Variants in PKD2L1 observed in about 807,000 individuals in gnomAD.
PKD2L1 encodes the protein polycystin 2 like 1, transient receptor potential cation channel, also known as polycystin-2-like protein 1.
In PKD2L1, 77 loss-of-function variants were observed where a neutral mutation model predicts 93.0. The observed-to-expected ratio is 0.83, with a 90% CI of 0.69 to 1.00. PKD2L1 has a LOEUF of 1.00. PKD2L1 is among the 50% of genes least tolerant of loss of function. The pLI is 0.00. For synonymous variants in PKD2L1, 390 were observed against 388.0 expected (o/e 1.01, Z -0.06); for missense variants, 977 against 990.9 (o/e 0.99, Z 0.19).
At chr10:100,317,193 CA>C (rs1185477347) in intron 2 of PKD2L1, among the ~76,000 whole-genome samples, 1 of 152,122 alleles carries the variant, frequency 6.6e-6, no homozygotes, top group Non-Finnish European at 1.5e-5. Flanking sequence ...TACATGTAAA[CA>C]CAAATAACAC....
chr10:100,299,663 C>T lies in PKD2L1; in HGVS notation c.405G>A (p.Glu135=). ...SAYYYTKVMS[E]LFLHTPSDTG... Reference sequence around the variant, plus strand: ...TGTCTGATGGAGTATGTAAGAAGAGCTCAGACATCACTTTGGTGTAGTAAT... The same window carrying T: ...TGTCTGATGGAGTATGTAAGAAGAGTTCAGACATCACTTTGGTGTAGTAAT... Residue 135 remains glutamate, a synonymous_variant, in exon 3 of 16, where the codon GAG becomes GAA. Transcript: ENST00000318222. 1 of 1,612,672 alleles carries T rather than the reference C, an allele frequency of 6.2e-7. No individual in the cohort carries two copies. The highest frequency in any genetic ancestry group is 8.5e-7 in the Non-Finnish European group (1 of 1,178,636).
At chr10:100,289,430 T>C (rs1848354045) in intron 14 of PKD2L1, among the ~76,000 whole-genome samples, 2 of 152,120 alleles carry the variant, frequency 1.3e-5, no homozygotes, top group South Asian at 4.1e-4. Flanking sequence ...TCCCAGCTAC[T>C]TGGGAGGCTG....
At chr10:100,325,679 C>T (rs574841614) in intron 2 of PKD2L1, among the ~76,000 whole-genome samples, 7 of 152,024 alleles carry the variant, frequency 4.6e-5, no homozygotes, top group East Asian at 3.9e-4. Flanking sequence ...GGAGGTTTTC[C>T]GAGGTTTAAA....
intron 2 of PKD2L1, among the ~76,000 whole-genome samples, chr10:100,318,851 CTT>C (rs1235162350): frequency 8.0e-5 from 10 of 125,174 alleles, no homozygotes; most frequent in East Asian, 2.3e-4. Flanking sequence ...CTCTCTCTAT[CTT>C]TTTTTTTTTT....
rs752544019 is a variant in PKD2L1 at position 100,330,033 on chromosome 10, G to A, written c.71C>T (p.Ala24Val). Residue 24 changes from alanine (A) to valine (V), a missense_variant, in exon 1 of 16, where the codon GCC (alanine) becomes GTC (valine). Physicochemically the swap from Ala to Val is moderately conservative, Grantham distance 64. Transcript: ENST00000318222. ...GTGTGGGGAAGGGGGACCACTGTAG[G>A]CGGGGTTGTCCCAGGCTCCACTCCC... is the stretch of plus-strand genomic sequence containing the variant. Reference protein sequence around the residue: ...KLGSGAWDNPAYSGPPSPHGT... With the variant: ...KLGSGAWDNPVYSGPPSPHGT... 6 of 1,612,866 alleles carry A rather than the reference G, an allele frequency of 3.7e-6. No individual in the cohort carries two copies. Among genetic ancestry groups the A allele is most frequent in the Non-Finnish European group, 5.1e-6 (6 of 1,179,196 alleles).
rs113981541 is a variant in PKD2L1, at chr10:100,328,637, C to G, written c.349+574G>C. Among the ~76,000 whole-genome samples the G allele has an allele frequency of 9.6e-3, 1,453 of 151,956 alleles. 24 individuals carry two copies. Among genetic ancestry groups the G allele is most frequent in the African/African-American group, 0.032 (1,340 of 41,410 alleles). On this transcript the variant is annotated intron_variant, in intron 2 of 15. Transcript: ENST00000318222. Reference sequence around the variant, plus strand: ...AGAGACAGAGTCTTGCTCTGTCCCCCAGGCTGGAGTGTAGTGGCACGATCT... The same window carrying G: ...AGAGACAGAGTCTTGCTCTGTCCCCGAGGCTGGAGTGTAGTGGCACGATCT...
chr10:100,322,823 T>C (rs1264086635), intron 2 of PKD2L1, among the ~76,000 whole-genome samples: 2 of 152,216 alleles, frequency 1.3e-5, no homozygotes, highest in Non-Finnish European at 2.9e-5. Flanking sequence ...TAGACTCCAG[T>C]GGTTAAAAGC....
intron 2 of PKD2L1, among the ~76,000 whole-genome samples, chr10:100,301,613 C>T (rs954037895): frequency 6.6e-6 from 1 of 152,196 alleles, no homozygotes; most frequent in African/African-American, 2.4e-5. Flanking sequence ...TTAAGGTTAT[C>T]TCCCTTGTTC....
At chr10:100,306,002 G>A (rs905688403) in intron 2 of PKD2L1, among the ~76,000 whole-genome samples, 1 of 152,048 alleles carries the variant, frequency 6.6e-6, no homozygotes, top group Non-Finnish European at 1.5e-5. Flanking sequence ...GGGCAACGTG[G>A]CAAGATCCTG....
At chr10:100,314,611 T>G (rs1849021592) in intron 2 of PKD2L1, among the ~76,000 whole-genome samples, 1 of 152,218 alleles carries the variant, frequency 6.6e-6, no homozygotes, top group Admixed American at 6.5e-5. Flanking sequence ...CCTCCTATAC[T>G]ACATTTATCA....
intron 9 of PKD2L1, 71 bp from the exon 10 acceptor site, chr10:100,293,450 T>C (rs1848451764): frequency 9.2e-6 from 9 of 975,504 alleles, no homozygotes; most frequent in Admixed American, 1.7e-5. Context: ...ACTGACCCCA[T>C]TAATGTCCAA....
chr10:100,322,293 G>A (rs1033916020), intron 2 of PKD2L1, among the ~76,000 whole-genome samples: 3 of 151,844 alleles, frequency 2.0e-5, no homozygotes, highest in East Asian at 1.9e-4. Context: ...TTGGGAGGCC[G>A]AGGTGGGCCG....
intron 2 of PKD2L1, among the ~76,000 whole-genome samples, chr10:100,304,153 C>G (rs1201360558): frequency 6.6e-6 from 1 of 152,172 alleles, no homozygotes; most frequent in Non-Finnish European, 1.5e-5. Context: ...CAGAAAAGAG[C>G]AAGAAGCAAC....
intron 7 of PKD2L1, 88 bp downstream of exon 7, chr10:100,296,034 C>CA (rs200777805): frequency 0.12 from 108,727 of 943,532 alleles, 241 homozygotes; most frequent in African/African-American, 0.18. Context: ...GACTCCATCT[C>CA]AAAAAAAAAA....
At position 100,299,638 on chromosome 10, in the gene PKD2L1, T is replaced by C. The variant is rs1487608562; in HGVS notation, c.430A>G (p.Thr144Ala). 7 of 1,610,940 alleles carry C rather than the reference T, an allele frequency of 4.3e-6. No individual in the cohort carries two copies. The East Asian group carries it at 1.6e-4, about 36-fold the overall frequency. The change falls in exon 3 of 16, where the codon ACT (threonine) becomes GCT (alanine). Residue 144 changes from threonine (T) to alanine (A), a missense_variant. Thr to Ala is a moderately conservative substitution (Grantham distance 58). Transcript: ENST00000318222. ...SELFLHTPSD[T>A]GVSFQAISSM... ...CTGATGGCCTGAAAGGAGACTCCAG[T>C]GTCTGATGGAGTATGTAAGAAGAGC... is the stretch of plus-strand genomic sequence containing the variant.
At chr10:100,298,935 ATTG>A (rs1380904719) in intron 3 of PKD2L1, 120 bp from the exon 4 acceptor site, 5 of 719,522 alleles carry the variant, frequency 6.9e-6, no homozygotes, top group South Asian at 6.8e-5. Context: ...TTAAAAAATT[ATTG>A]TTATTATTAT....
At chr10:100,291,787 G>A (rs1271757213) in intron 11 of PKD2L1, among the ~76,000 whole-genome samples, 1 of 152,028 alleles carries the variant, frequency 6.6e-6, no homozygotes. Context: ...ATCTAAAAAT[G>A]TGCCTTCTTG....
chr10:100,289,370 T>C (rs1178745940), intron 14 of PKD2L1, among the ~76,000 whole-genome samples: 2 of 152,094 alleles, frequency 1.3e-5, no homozygotes, highest in African/African-American at 4.8e-5. Context: ...AGAAACCCCA[T>C]CTGTACTAAA....
At chr10:100,318,366 G>A (rs1849147957) in intron 2 of PKD2L1, among the ~76,000 whole-genome samples, 1 of 152,158 alleles carries the variant, frequency 6.6e-6, no homozygotes, top group Non-Finnish European at 1.5e-5. Context: ...GAAGTTCAGA[G>A]TGTACATGAT....
Sources: allele counts gnomAD v4.1 joint callset (sites outside exome capture counted in the v4.1 genomes callset), GRCh38; gene constraint gnomAD v4.1.1; transcripts MANE v1.5; gene names NCBI Gene and HGNC (gene_info 2026-07-23, HGNC 2026-07-21).